KLHL13: variants seen among roughly 807,000 people sequenced by gnomAD.
The protein encoded by KLHL13 is kelch like family member 13.
In KLHL13, 10 loss-of-function variants were observed where a neutral mutation model predicts 37.1. The observed-to-expected ratio is 0.27, with a 90% CI of 0.17 to 0.46. The LOEUF is 0.46. Ranked by LOEUF, KLHL13 falls within the 20% of genes least tolerant of loss-of-function variation. The pLI is 1.00. For synonymous variants in KLHL13, 163 were observed against 181.2 expected (o/e 0.90, Z 0.81); for missense variants, 360 against 509.3 (o/e 0.71, Z 2.82).
At chrX:118,006,349 G>A (rs1339467349) in intron 1 of KLHL13, among the ~76,000 whole-genome samples, 2 of 109,932 alleles carry the variant, frequency 1.8e-5, no homozygotes, top group Non-Finnish European at 3.8e-5. Flanking sequence ...GATTTCTGAG[G>A]CAAAAATAAC....
intron 1 of KLHL13, chrX:117,985,107 T>A: frequency 5.1e-6 from 2 of 392,793 alleles, no homozygotes; most frequent in Non-Finnish European, 8.4e-6. Context: ...GTTACCAATA[T>A]GTCTCCTGAA....
intron 1 of KLHL13, among the ~76,000 whole-genome samples, chrX:118,063,480 C>T (rs2054763389): frequency 9.0e-6 from 1 of 111,281 alleles, no homozygotes; most frequent in African/African-American, 3.3e-5. Context: ...TACACTGGGC[C>T]AATATCTGGG....
intron 1 of KLHL13, among the ~76,000 whole-genome samples, chrX:118,061,853 A>G (rs1056621301): frequency 1.8e-5 from 2 of 111,757 alleles, no homozygotes; most frequent in Admixed American, 9.5e-5. Context: ...ACTTAAATTA[A>G]TGTTTCAAAT....
At chrX:117,976,485 T>C (rs1244077750), upstream of KLHL13, among the ~76,000 whole-genome samples, 1 of 112,216 alleles carries the variant, frequency 8.9e-6, no homozygotes, top group Non-Finnish European at 1.9e-5. Context: ...GTCATAACTA[T>C]GGAGTGTAAT....
In KLHL13 at chrX:118,063,279, G is replaced by A. The variant is rs541440016; in HGVS notation, c.-56+53229C>T. On this transcript the variant is annotated intron_variant, in intron 1 of 6. Coordinates refer to the KLHL13 transcript ENST00000371882. ...TAGAGGAGTGGAAAAAGGGAATCAAGAAGTTAGAGCGAATAAAAGGTCAAA... is the reference window on the plus strand; with the variant it reads ...TAGAGGAGTGGAAAAAGGGAATCAAAAAGTTAGAGCGAATAAAAGGTCAAA... 7.2e-5 allele frequency among the ~76,000 whole-genome samples: 8 copies of A among 111,590 alleles called. No homozygotes were observed. In the South Asian group the frequency reaches 3.0e-3, roughly 42 times the overall value.
At chrX:118,074,278 A>G (rs1227793799) in intron 1 of KLHL13, among the ~76,000 whole-genome samples, 1 of 111,963 alleles carries the variant, frequency 8.9e-6, no homozygotes, top group Non-Finnish European at 1.9e-5. Context: ...AGGTTGAGAA[A>G]AAACTGGTTC....
rs998141578 is a variant in KLHL13 at position 117,915,988 on chromosome X, G to A, written c.570+3533C>T. Among the ~76,000 whole-genome samples, 12 of 111,834 alleles carry A rather than the reference G, an allele frequency of 1.1e-4. No homozygotes were observed. The South Asian group carries it at 3.4e-3, about 31-fold the overall frequency. ...AGCCTGACCAACATGGAGAAAGCTC[G>A]TCTCTACTAAAAATACAAAATTAGC... On this transcript the variant is annotated intron_variant, in intron 4 of 6. Coordinates refer to ENST00000262820, the Ensembl canonical transcript of KLHL13.
At chrX:117,976,747 G>A (rs1408804980), upstream of KLHL13, among the ~76,000 whole-genome samples, 5 of 111,439 alleles carry the variant, frequency 4.5e-5, no homozygotes, top group East Asian at 1.4e-3. Context: ...AAAGCTCTTC[G>A]ACGCATTTTA....
chrX:118,065,436 T>G (rs1375181004), intron 1 of KLHL13, among the ~76,000 whole-genome samples: 1 of 111,239 alleles, frequency 9.0e-6, no homozygotes, highest in Non-Finnish European at 1.9e-5. Context: ...CTAACTACCT[T>G]TGGGCCATGC....
At chrX:117,939,712 T>C (rs1472197425) in intron 2 of KLHL13, among the ~76,000 whole-genome samples, 1 of 112,028 alleles carries the variant, frequency 8.9e-6, no homozygotes, top group Non-Finnish European at 1.9e-5. Context: ...TTTTTTTTCA[T>C]ATATTTGTTG....
At chrX:118,098,590 A>G (rs1163830521) in intron 1 of KLHL13, among the ~76,000 whole-genome samples, 2 of 109,472 alleles carry the variant, frequency 1.8e-5, no homozygotes, top group Non-Finnish European at 3.8e-5. Flanking sequence ...TACCCAAAGG[A>G]TTATAAATCA....
At chrX:118,096,418 G>A (rs1430963111) in intron 1 of KLHL13, among the ~76,000 whole-genome samples, 3 of 111,825 alleles carry the variant, frequency 2.7e-5, no homozygotes, top group Admixed American at 9.5e-5. Flanking sequence ...AACAGGCTCT[G>A]AAATTGAGGC....
At chrX:118,044,007 C>G (rs188665458) in intron 1 of KLHL13, among the ~76,000 whole-genome samples, 2 of 111,914 alleles carry the variant, frequency 1.8e-5, no homozygotes, top group African/African-American at 6.5e-5. Flanking sequence ...AGGCTCCACC[C>G]AAAAACTATT....
intron 6 of KLHL13, 49 bp from the exon 8 acceptor site, chrX:117,899,444 A>G (rs773863666): frequency 3.8e-6 from 4 of 1,041,505 alleles, no homozygotes; most frequent in South Asian, 2.2e-5. Flanking sequence ...TAGAAATGCA[A>G]AAGTAATTAA....
chrX:118,072,616 A>G (rs1314903548), intron 1 of KLHL13, among the ~76,000 whole-genome samples: 1 of 111,520 alleles, frequency 9.0e-6, no homozygotes, highest in East Asian at 2.8e-4. Context: ...TCTACAATGA[A>G]CTCAAACAAA....
intron 1 of KLHL13, among the ~76,000 whole-genome samples, chrX:118,003,192 G>A (rs998393381): frequency 8.9e-6 from 1 of 112,121 alleles, no homozygotes; most frequent in Non-Finnish European, 1.9e-5. Flanking sequence ...CTGTGCAATA[G>A]GTTTTTAAAA....
exon 5 of KLHL13, chrX:117,910,061 A>G: frequency 1.7e-6 from 2 of 1,187,725 alleles, no homozygotes; most frequent in Non-Finnish European, 2.3e-6. Context: ...AGGTGTTGGC[A>G]ATCCGTCCAA....
At chrX:117,981,256 T>G (rs1268467033) in intron 1 of KLHL13, among the ~76,000 whole-genome samples, 1 of 112,392 alleles carries the variant, frequency 8.9e-6, no homozygotes, top group Non-Finnish European at 1.9e-5. Context: ...CAGCTTGTTT[T>G]GGCATTAGGT....
chrX:118,099,612 C>A (rs1007068412), intron 1 of KLHL13, among the ~76,000 whole-genome samples: 22 of 110,446 alleles, frequency 2.0e-4, no homozygotes, highest in African/African-American at 6.9e-4. Flanking sequence ...GAGTTCGAGA[C>A]CAACCAGCCT....
Sources: gnomAD v4.1 joint callset for allele counts (sites outside exome capture counted in the v4.1 genomes callset) on GRCh38, gnomAD v4.1.1 for gene constraint, MANE v1.5 for transcripts, NCBI Gene and HGNC (gene_info 2026-07-23, HGNC 2026-07-21) for gene names.